PFKL: variants seen among roughly 807,000 people sequenced by gnomAD.
PFKL encodes the protein phosphofructokinase, liver type.
PFKL carries 74 observed loss-of-function variants against 92.1 expected under a neutral mutation model. That is an observed-to-expected ratio of 0.80 (90% CI 0.67 to 0.97). The LOEUF is 0.97. Among genes scored for constraint, PFKL ranks in the 50% least tolerant of loss-of-function variants. PFKL has a pLI of 0.00. For synonymous variants in PFKL, 494 were observed against 456.4 expected (o/e 1.08, Z -1.05); for missense variants, 1,028 against 1,116.6 (o/e 0.92, Z 1.13).
intron 1 of PFKL, among the ~76,000 whole-genome samples, chr21:44,301,660 G>T (rs968762343): frequency 3.3e-5 from 5 of 152,074 alleles, no homozygotes; most frequent in Non-Finnish European, 4.4e-5. Flanking sequence ...GACAAGAAAG[G>T]CCCCGAGTCT....
At chr21:44,321,706 C>T in intron 12 of PFKL, 23 bp from the exon 13 acceptor site, 1 of 1,526,424 alleles carries the variant, frequency 6.6e-7, no homozygotes, top group East Asian at 2.3e-5. Context: ...GTGCCTCACG[C>T]TCATCTCCCC....
rs139997586 is a variant in PFKL at position 44,310,703 on chromosome 21, C to T, written c.160-303C>T. On this transcript the variant is annotated intron_variant, in intron 2 of 21. Coordinates refer to ENST00000349048, the MANE Select transcript of PFKL (RefSeq NM_002626.6). ...GCGGGCTCCGCTGGGGCCTTCGGGACGCTGAACTTGCCTGTGTGGATCTGG... is the reference window on the plus strand; with the variant it reads ...GCGGGCTCCGCTGGGGCCTTCGGGATGCTGAACTTGCCTGTGTGGATCTGG... 2.4e-3 allele frequency among the ~76,000 whole-genome samples: 369 copies of T among 152,246 alleles called. 1 individual carries two copies. The highest frequency in any genetic ancestry group is 4.8e-3 in the African/African-American group (201 of 41,532).
chr21:44,304,501 G>A (rs754394939), intron 1 of PFKL: 1 of 1,153,874 alleles, frequency 8.7e-7, no homozygotes, highest in African/African-American at 1.7e-5. Context: ...GGAGGGCGAG[G>A]GAGGGACGGA....
chr21:44,324,570 G>A lies in PFKL; in HGVS notation c.1730G>A (p.Gly577Asp), dbSNP rs766372795. 1 of 1,613,258 alleles carries A rather than the reference G, an allele frequency of 6.2e-7. No individual in the cohort carries two copies. Among genetic ancestry groups the A allele is most frequent in the South Asian group, 1.1e-5 (1 of 91,064 alleles). ...GTGGAGACCATGGGGGGTTACTGTG[G>A]CTACCTGGCCACCGTGACTGGCATT... ...FIVETMGGYC[G>D]YLATVTGIAV... Residue 577 changes from glycine to aspartate, a missense_variant, in exon 17 of 22, where the codon GGC becomes GAC. Transcript: ENST00000349048.
rs772492212 is a variant in PFKL at position 44,326,796 on chromosome 21, C to T, written c.2277C>T (p.Ala759=). 19 of 1,609,028 alleles carry T rather than the reference C, an allele frequency of 1.2e-5. No homozygotes were observed. Among genetic ancestry groups the T allele is most frequent in the African/African-American group, 5.3e-5 (4 of 74,940 alleles). The change falls in exon 22 of 22, where the codon GCC becomes GCT. Residue 759 remains alanine, a synonymous_variant. Coordinates refer to ENST00000349048, the MANE Select transcript of PFKL (RefSeq NM_002626.6). ...TGGCACAATACCGCATCAGTATGGCCGCCTACGTGTCAGGGGAGCTGGAGC... is the reference window on the plus strand; with the variant it reads ...TGGCACAATACCGCATCAGTATGGCTGCCTACGTGTCAGGGGAGCTGGAGC... The part of the protein sequence containing the change: ...KMLAQYRISM[A]AYVSGELEHV...
intron 2 of PFKL, among the ~76,000 whole-genome samples, chr21:44,309,216 T>C (rs2041044885): frequency 6.6e-6 from 1 of 152,072 alleles, no homozygotes; most frequent in Non-Finnish European, 1.5e-5. Context: ...TCCCTTCTCC[T>C]TGGGGCTATT....
At chr21:44,306,470 C>A (rs1240493235) in intron 1 of PFKL, among the ~76,000 whole-genome samples, 1 of 151,998 alleles carries the variant, frequency 6.6e-6, no homozygotes, top group Non-Finnish European at 1.5e-5. Context: ...TTCCCTACCC[C>A]CTGCCCTCTG....
At position 44,320,167 on chromosome 21, in the gene PFKL, C is replaced by T; in HGVS notation, c.1191+20C>T. 1 of 1,608,008 alleles carries T rather than the reference C, an allele frequency of 6.2e-7. No homozygotes were observed. The highest frequency in any genetic ancestry group is 1.1e-5 in the South Asian group (1 of 90,946). On this transcript the variant is annotated intron_variant, in intron 12 of 21. Transcript: ENST00000349048. ...GAGAAGGTGAGGCAGGGAGCGGCGC[C>T]CACAGAGGGAGGAACGGGCTCAGTT...
intron 1 of PFKL, among the ~76,000 whole-genome samples, chr21:44,300,868 C>T (rs1601979809): frequency 6.6e-6 from 1 of 152,204 alleles, no homozygotes; most frequent in East Asian, 1.9e-4. Flanking sequence ...CGCTCCCTCC[C>T]GGAGGCCTGG....
In PFKL at chr21:44,318,604, TG is replaced by T; in HGVS notation, c.1062+12del. Reference sequence around the variant, plus strand: ...TGGAGTGCGTGCAGATGGTAAGCCCTGGGCCCCCCCCATCAGAACCGCCTGG... The same window carrying T: ...TGGAGTGCGTGCAGATGGTAAGCCCTGGCCCCCCCCATCAGAACCGCCTGG... On this transcript the variant is annotated intron_variant, in intron 10 of 21. Coordinates refer to ENST00000349048, the MANE Select transcript of PFKL (RefSeq NM_002626.6). 2 of 1,471,036 alleles carry T rather than the reference TG, an allele frequency of 1.4e-6. No homozygotes were observed. Among genetic ancestry groups the T allele is most frequent in the South Asian group, 1.4e-5 (1 of 73,288 alleles). 91.1% of individuals were successfully genotyped at this position (1,471,036 alleles called of 1,614,324 possible). A position where few individuals can be genotyped will look rare whatever the true frequency, so the allele number is the denominator to read the frequency against.
At chr21:44,326,387 C>T (rs1568975767) in intron 21 of PFKL, 123 bp downstream of exon 21, 4 of 749,866 alleles carry the variant, frequency 5.3e-6, no homozygotes, top group Admixed American at 4.9e-5. Flanking sequence ...TCCTGGGCCC[C>T]CATGCCCAGG....
Position 44,323,910 on chromosome 21 carries a change from G to A in PFKL, c.1642G>A (p.Ala548Thr), listed in dbSNP as rs376047821. Residue 548 changes from alanine (A) to threonine (T), a missense_variant, in exon 16 of 22, where the codon GCC (alanine) becomes ACC (threonine). Ala to Thr is a moderately conservative substitution (Grantham distance 58). Coordinates refer to ENST00000349048, the MANE Select transcript of PFKL (RefSeq NM_002626.6). ...SLGSDTAVNAAMESCDRIKQS... is the reference protein window; with the variant it reads ...SLGSDTAVNATMESCDRIKQS... ...GGGCTCCGACACTGCTGTAAATGCC[G>A]CCATGGAGGTACGGGGCTCCTGGAC... is the stretch of plus-strand genomic sequence containing the variant. 1.3e-4 allele frequency: 202 copies of A among 1,613,334 alleles called. No individual in the cohort carries two copies. Among genetic ancestry groups the A allele is most frequent in the Middle Eastern group, 1.6e-4 (1 of 6,062 alleles).
chr21:44,320,219 C>A, intron 12 of PFKL, 72 bp downstream of exon 12: 2 of 1,381,308 alleles, frequency 1.4e-6, no homozygotes, highest in Non-Finnish European at 2.0e-6. Context: ...ACGCTGGCCC[C>A]GTGGCTGGGC....
intron 2 of PFKL, among the ~76,000 whole-genome samples, chr21:44,308,475 T>C (rs2041017970): frequency 6.6e-6 from 1 of 151,612 alleles, no homozygotes; most frequent in African/African-American, 2.4e-5. Context: ...TGAATAGGCA[T>C]GGAGAGGTAG....
intron 12 of PFKL, chr21:44,320,442 T>C (rs1285904678): frequency 7.2e-6 from 2 of 276,614 alleles, no homozygotes; most frequent in Non-Finnish European, 1.4e-5. Flanking sequence ...GTGTAGAAAA[T>C]GTCCCCCGGG....
In PFKL at chr21:44,309,202, C is replaced by T. The variant is rs1455556086; in HGVS notation, c.160-1804C>T. On this transcript the variant is annotated intron_variant, in intron 2 of 21. Transcript: ENST00000349048. The stretch of plus-strand genomic sequence containing the variant: ...GCGCTGGCTTCCTTCAGCAGGGAGA[C>T]CGATCCCTTCTCCTTGGGGCTATTG... Among the ~76,000 whole-genome samples, 5 of 152,276 alleles carry T rather than the reference C, an allele frequency of 3.3e-5. No individual in the cohort carries two copies. The East Asian group carries it at 9.7e-4, about 29-fold the overall frequency.
chr21:44,320,835 G>A (rs890665943), intron 12 of PFKL: 25 of 152,322 alleles, frequency 1.6e-4, no homozygotes, highest in African/African-American at 5.8e-4. Flanking sequence ...CCTGTAGAGA[G>A]AGTCACGGCC....
chr21:44,313,998 T>C lies in PFKL; in HGVS notation c.724T>C (p.Phe242Leu), dbSNP rs776428253. 1.9e-6 allele frequency: 3 copies of C among 1,606,650 alleles called. No homozygotes were observed. In the African/African-American group the frequency reaches 4.0e-5, roughly 21 times the overall value. ...EAPPEDGWEN[F>L]MCERLGETRS... ...TCCACCCGAGGACGGCTGGGAGAAC[T>C]TCATGTGTGAGAGGCTGGGTGAGGT... is the stretch of plus-strand genomic sequence containing the variant. The change falls in exon 7 of 22, where the codon TTC (phenylalanine) becomes CTC (leucine). Residue 242 changes from phenylalanine to leucine, a missense_variant. Physicochemically the swap from Phe to Leu is conservative, Grantham distance 22. Coordinates refer to ENST00000349048, the MANE Select transcript of PFKL (RefSeq NM_002626.6).
rs2047097003 is a variant in PFKL at position 44,313,076 on chromosome 21, A to G, written c.526A>G (p.Ile176Val). Residue 176 changes from isoleucine (I) to valine (V), a missense_variant, in exon 5 of 22, where the codon ATC becomes GTC. Ile to Val is a conservative substitution (Grantham distance 29, BLOSUM62 3). Coordinates refer to ENST00000349048, the MANE Select transcript of PFKL (RefSeq NM_002626.6). ...CGACTTCTGCGGCACCGACATGACC[A>G]TCGGCACGGACTCGGCCCTCCACCG... ...DNDFCGTDMT[I>V]GTDSALHRIM... 6.2e-7 allele frequency: 1 copy of G among 1,613,110 alleles called. No individual in the cohort carries two copies. The highest frequency in any genetic ancestry group is 8.5e-7 in the Non-Finnish European group (1 of 1,179,902).
Sources: allele counts gnomAD v4.1 joint callset (sites outside exome capture counted in the v4.1 genomes callset), GRCh38; gene constraint gnomAD v4.1.1; transcripts MANE v1.5; gene names NCBI Gene and HGNC (gene_info 2026-07-23, HGNC 2026-07-21).